SLCO1A2: variants seen among roughly 807,000 people sequenced by gnomAD.
SLCO1A2 encodes the protein OATP-1.
Under a neutral mutation model 69.0 loss-of-function variants are expected in SLCO1A2, and 67 were observed. That is an observed-to-expected ratio of 0.97 (90% CI 0.80 to 1.19). The LOEUF (loss-of-function observed/expected upper bound fraction) is 1.19, where lower values mean the gene tolerates loss of function less well. Among genes scored for constraint, SLCO1A2 ranks in the 50% most tolerant of loss-of-function variants. The pLI is 0.00. For synonymous variants in SLCO1A2, 260 were observed against 265.9 expected (o/e 0.98, Z 0.22); for missense variants, 787 against 793.7 (o/e 0.99, Z 0.10).
At chr12:21,316,313 C>A (rs1042113373) in intron 3 of SLCO1A2, among the ~76,000 whole-genome samples, 7 of 152,090 alleles carry the variant, frequency 4.6e-5, no homozygotes, top group African/African-American at 1.7e-4. Context: ...TAGACTTTAG[C>A]CTACACATAT....
chr12:21,341,011 G>A (rs530511466), intron 2 of SLCO1A2, among the ~76,000 whole-genome samples: 40 of 152,062 alleles, frequency 2.6e-4, no homozygotes, highest in South Asian at 1.5e-3. Context: ...GGGCATTGCA[G>A]ATATCAACCC....
chr12:21,398,826 C>G (rs201959576), upstream of SLCO1A2, among the ~76,000 whole-genome samples: 22 of 141,242 alleles, frequency 1.6e-4, no homozygotes, highest in African/African-American at 4.7e-4. Flanking sequence ...ATTCAACAAC[C>G]CTTCATGCTA....
chr12:21,288,707 A>G (rs1219509560), intron 12 of SLCO1A2, among the ~76,000 whole-genome samples: 2 of 152,076 alleles, frequency 1.3e-5, no homozygotes, highest in African/African-American at 2.4e-5. Context: ...GCTTGAGGGA[A>G]TGGATACCCC....
chr12:21,419,390 G>C (rs995807734), upstream of SLCO1A2: 4 of 153,248 alleles, frequency 2.6e-5, no homozygotes, highest in East Asian at 3.8e-4. Context: ...AGCAGGGCGA[G>C]GCATTGCCTC....
rs1941957971 is a variant in SLCO1A2, at chr12:21,265,321, G to T, written c.*4227C>A. 1 of 152,394 alleles carries T rather than the reference G, an allele frequency of 6.6e-6. No individual in the cohort carries two copies. Among genetic ancestry groups the T allele is most frequent in the African/African-American group, 2.4e-5 (1 of 41,444 alleles). The allele number at this position is 152,394 out of a possible 1,614,324, so 9.4% of individuals were successfully genotyped here. A position where few individuals can be genotyped will look rare whatever the true frequency, so the allele number is the denominator to read the frequency against. On this transcript the variant is annotated 3_prime_UTR_variant, in exon 15 of 15. Transcript: ENST00000683939. ...GGAGAACAGCATGCATTCTGGGCAG[G>T]GTGGGACACAGTGAAGGGATGGAAG...
intron 12 of SLCO1A2, among the ~76,000 whole-genome samples, chr12:21,290,875 AAGAC>A (rs1296411675): frequency 6.6e-6 from 1 of 152,174 alleles, no homozygotes; most frequent in Non-Finnish European, 1.5e-5. Flanking sequence ...TAAAAGAAAG[AAGAC>A]AGACTAAGTG....
intron 1 of SLCO1A2, among the ~76,000 whole-genome samples, chr12:21,407,511 C>T (rs181066482): frequency 2.6e-5 from 4 of 152,208 alleles, no homozygotes; most frequent in African/African-American, 4.8e-5. Context: ...TTTCAAAAGG[C>T]CTATTTGGGC....
chr12:21,348,553 T>C (rs1475910240), intron 2 of SLCO1A2, among the ~76,000 whole-genome samples: 2 of 152,174 alleles, frequency 1.3e-5, no homozygotes, highest in Admixed American at 1.3e-4. Context: ...TTCAGTTCCA[T>C]TCATGTTGCA....
intron 2 of SLCO1A2, among the ~76,000 whole-genome samples, chr12:21,361,535 A>G (rs1242549611): frequency 6.6e-6 from 1 of 152,230 alleles, no homozygotes; most frequent in Non-Finnish European, 1.5e-5. Flanking sequence ...CTGGACAGAG[A>G]ATGACTTTGA....
chr12:21,395,706 TCC>T, upstream of SLCO1A2, among the ~76,000 whole-genome samples: 2 of 152,070 alleles, frequency 1.3e-5, no homozygotes, highest in Non-Finnish European at 2.9e-5. Flanking sequence ...CTCAAGTGGG[TCC>T]CTGACCCCTG....
chr12:21,327,360 C>T (rs1952316859), intron 2 of SLCO1A2, among the ~76,000 whole-genome samples: 2 of 152,154 alleles, frequency 1.3e-5, no homozygotes, highest in Non-Finnish European at 2.9e-5. Flanking sequence ...CACAGAGTCT[C>T]CACTGGGGAA....
chr12:21,376,045 C>A (rs1436421947), intron 1 of SLCO1A2, among the ~76,000 whole-genome samples: 1 of 152,082 alleles, frequency 6.6e-6, no homozygotes, highest in Non-Finnish European at 1.5e-5. Context: ...TTTAGAAAAG[C>A]AATTTCACAA....
chr12:21,288,178 A>G (rs1256250055), intron 12 of SLCO1A2, among the ~76,000 whole-genome samples: 1 of 152,190 alleles, frequency 6.6e-6, no homozygotes, highest in Non-Finnish European at 1.5e-5. Context: ...ACGATAGCTC[A>G]TGCCTGTAAT....
chr12:21,360,929 T>G (rs1228127218), intron 2 of SLCO1A2, among the ~76,000 whole-genome samples: 1 of 152,176 alleles, frequency 6.6e-6, no homozygotes, highest in African/African-American at 2.4e-5. Flanking sequence ...CAAGGAGGCC[T>G]GCCTGCCTCT....
chr12:21,401,381 C>G (rs961433435), intron 1 of SLCO1A2, among the ~76,000 whole-genome samples: 3 of 151,056 alleles, frequency 2.0e-5, no homozygotes, highest in Non-Finnish European at 4.4e-5. Flanking sequence ...ATAAAGTACC[C>G]CAGAAAACTT....
Position 21,373,839 on chromosome 12 carries a change from A to T in SLCO1A2, c.-63+560T>A. On this transcript the variant is annotated intron_variant, in intron 2 of 15. Coordinates refer to the SLCO1A2 transcript ENST00000307378. ...GATTCTTTTTGTATATATTACTTAGATTTTTGTTTTCCTCAGATGTCTCTG... is the reference window on the plus strand; with the variant it reads ...GATTCTTTTTGTATATATTACTTAGTTTTTTGTTTTCCTCAGATGTCTCTG... 9.4e-6 allele frequency: 5 copies of T among 530,518 alleles called. No homozygotes were observed. In the South Asian group the frequency reaches 1.7e-4, roughly 18 times the overall value. 32.9% of individuals were successfully genotyped at this position (530,518 alleles called of 1,614,324 possible). A position where few individuals can be genotyped will look rare whatever the true frequency, so the allele number is the denominator to read the frequency against.
chr12:21,378,268 G>A, intron 1 of SLCO1A2: 2 of 1,614,172 alleles, frequency 1.2e-6, no homozygotes, highest in Non-Finnish European at 1.7e-6. Flanking sequence ...ATGCAACACT[G>A]CCACATGTGC....
chr12:21,364,312 A>G (rs144724097), intron 2 of SLCO1A2, among the ~76,000 whole-genome samples: 3,614 of 152,334 alleles, frequency 0.024, 72 homozygotes, highest in Non-Finnish European at 0.038. Context: ...GATTATCTCA[A>G]TAGATGAAGA....
chr12:21,371,464 T>A (rs1335956859), intron 2 of SLCO1A2, among the ~76,000 whole-genome samples: 1 of 152,180 alleles, frequency 6.6e-6, no homozygotes, highest in East Asian at 1.9e-4. Flanking sequence ...AATCATTGAA[T>A]AATTAGAACA....
Sources: gnomAD v4.1 joint callset for allele counts (sites outside exome capture counted in the v4.1 genomes callset) on GRCh38, gnomAD v4.1.1 for gene constraint, MANE v1.5 for transcripts, NCBI Gene and HGNC (gene_info 2026-07-23, HGNC 2026-07-21) for gene names.